Variants in REEP5 observed in about 807,000 individuals in gnomAD.
The protein encoded by REEP5 is receptor expression-enhancing protein 5.
Under a neutral mutation model 22.4 loss-of-function variants are expected in REEP5, and 24 were observed. The ratio of observed to expected loss-of-function variants is 1.07; its 90% confidence interval spans 0.78 to 1.51. The LOEUF is 1.51. Ranked by LOEUF, REEP5 falls within the 40% of genes most tolerant of loss-of-function variation. REEP5 has a pLI of 0.00. For synonymous variants in REEP5, 103 were observed against 88.6 expected (o/e 1.16, Z -0.92); for missense variants, 252 against 233.0 (o/e 1.08, Z -0.53).
chr5:112,888,768 C>A (rs1335213709), intron 3 of REEP5, among the ~76,000 whole-genome samples: 1 of 150,838 alleles, frequency 6.6e-6, no homozygotes, highest in Admixed American at 6.6e-5. Context: ...CACCTGTAGT[C>A]CCAGTGACTT....
intron 3 of REEP5, chr5:112,892,453 A>T: frequency 6.2e-7 from 1 of 1,614,118 alleles, no homozygotes; most frequent in Non-Finnish European, 8.5e-7. Context: ...ACCTCACCTG[A>T]GGGGCAATGT....
intron 2 of REEP5, among the ~76,000 whole-genome samples, chr5:112,919,936 A>G (rs2150049512): frequency 6.6e-6 from 1 of 152,344 alleles, no homozygotes; most frequent in East Asian, 1.9e-4. Flanking sequence ...TTGGACAATT[A>G]TACAATCATA....
intron 3 of REEP5, among the ~76,000 whole-genome samples, chr5:112,890,929 T>C (rs1436185168): frequency 6.6e-6 from 1 of 150,740 alleles, no homozygotes; most frequent in Non-Finnish European, 1.5e-5. Context: ...AAAATAAAAT[T>C]ACTAAGCATA....
At chr5:112,886,656 T>C (rs1486898092) in intron 4 of REEP5, among the ~76,000 whole-genome samples, 1 of 152,238 alleles carries the variant, frequency 6.6e-6, no homozygotes, top group African/African-American at 2.4e-5. Flanking sequence ...TTTCTCCATT[T>C]ATTTAAAACT....
At chr5:112,903,968 A>C (rs1356134518) in intron 2 of REEP5, among the ~76,000 whole-genome samples, 4 of 152,146 alleles carry the variant, frequency 2.6e-5, no homozygotes, top group African/African-American at 9.7e-5. Context: ...AGTAGCTGGT[A>C]CTACAGGTAC....
At chr5:112,896,078 G>C (rs562608366) in intron 3 of REEP5, 1 of 152,782 alleles carries the variant, frequency 6.5e-6, no homozygotes, top group South Asian at 2.1e-4. Flanking sequence ...TGCAGTTACG[G>C]AACTGAGAGT....
chr5:112,916,476 TAAGAA>T (rs1286997949), intron 2 of REEP5, among the ~76,000 whole-genome samples: 1 of 152,176 alleles, frequency 6.6e-6, no homozygotes, highest in East Asian at 1.9e-4. Context: ...ACATAACAGA[TAAGAA>T]AAGTTGTTAG....
At chr5:112,892,196 G>A in intron 3 of REEP5, 1 of 1,614,206 alleles carries the variant, frequency 6.2e-7, no homozygotes, top group South Asian at 1.1e-5. Context: ...ACAGGAGCTT[G>A]CAGATTTGGA....
At chr5:112,911,452 A>G (rs1305545676) in intron 2 of REEP5, among the ~76,000 whole-genome samples, 1 of 152,200 alleles carries the variant, frequency 6.6e-6, no homozygotes, top group Non-Finnish European at 1.5e-5. Flanking sequence ...CAATATTTCA[A>G]AATACTTACA....
intron 4 of REEP5, among the ~76,000 whole-genome samples, chr5:112,880,619 T>A (rs1343088548): frequency 6.6e-6 from 1 of 152,250 alleles, no homozygotes; most frequent in Non-Finnish European, 1.5e-5. Flanking sequence ...GAGAAAAGTC[T>A]AAAATGTGGC....
chr5:112,890,122 C>T (rs1768389518), intron 3 of REEP5, among the ~76,000 whole-genome samples: 1 of 149,884 alleles, frequency 6.7e-6, no homozygotes, highest in Non-Finnish European at 1.5e-5. Flanking sequence ...CCACCGCACC[C>T]GGCCACAAAA....
In REEP5 at chr5:112,877,425, T is replaced by C. The variant is rs1767931292; in HGVS notation, c.*1361A>G. On this transcript the variant is annotated 3_prime_UTR_variant, in exon 5 of 5. Coordinates refer to ENST00000379638, the MANE Select transcript of REEP5 (RefSeq NM_005669.5). ...AGTATGGTGTAAAACTCAGATTTTCTAGTCCAGACAAATTGCTCTCTATAA... is the reference window on the plus strand; with the variant it reads ...AGTATGGTGTAAAACTCAGATTTTCCAGTCCAGACAAATTGCTCTCTATAA... 1 of 152,136 alleles carries C rather than the reference T, an allele frequency of 6.6e-6. No homozygotes were observed. The highest frequency in any genetic ancestry group is 2.4e-5 in the African/African-American group (1 of 41,426). 9.4% of individuals were successfully genotyped at this position (152,136 alleles called of 1,614,324 possible).
rs896357117 is a variant in REEP5, at chr5:112,877,651, T to C, written c.*1135A>G. On this transcript the variant is annotated 3_prime_UTR_variant, in exon 5 of 5. Transcript: ENST00000379638. Reference sequence around the variant, plus strand: ...AAAACTGAAGATAGATTGACTTAACTATTGCCAAGCAGATTATGGGTTACT... The same window carrying C: ...AAAACTGAAGATAGATTGACTTAACCATTGCCAAGCAGATTATGGGTTACT... 2 of 152,196 alleles carry C rather than the reference T, an allele frequency of 1.3e-5. No homozygotes were observed. Among genetic ancestry groups the C allele is most frequent in the Admixed American group, 6.5e-5 (1 of 15,282 alleles). 9.4% of individuals were successfully genotyped at this position (152,196 alleles called of 1,614,324 possible).
chr5:112,890,745 T>C (rs937922246), intron 3 of REEP5, among the ~76,000 whole-genome samples: 1 of 150,698 alleles, frequency 6.6e-6, no homozygotes, highest in African/African-American at 2.5e-5. Flanking sequence ...AGAGTTAATA[T>C]AGTATATAGA....
chr5:112,888,857 C>T (rs113038757), intron 3 of REEP5, among the ~76,000 whole-genome samples: 3,937 of 150,698 alleles, frequency 0.026, 397 homozygotes, highest in African/African-American at 0.093. Flanking sequence ...ACCCAAATCT[C>T]ATCTTGAACT....
At chr5:112,909,476 A>C (rs1769042510) in intron 2 of REEP5, among the ~76,000 whole-genome samples, 1 of 151,958 alleles carries the variant, frequency 6.6e-6, no homozygotes, top group Non-Finnish European at 1.5e-5. Flanking sequence ...AGGAGATTAG[A>C]GTTACCCATC....
At chr5:112,909,408 ACT>A (rs570588963) in intron 2 of REEP5, among the ~76,000 whole-genome samples, 156 of 151,322 alleles carry the variant, frequency 1.0e-3, no homozygotes, top group Non-Finnish European at 1.2e-3. Flanking sequence ...AGATAAGAAG[ACT>A]CTAGTTTCTT....
chr5:112,912,883 T>C (rs1433118257), intron 2 of REEP5, among the ~76,000 whole-genome samples: 1 of 152,208 alleles, frequency 6.6e-6, no homozygotes. Context: ...GGAAAATATT[T>C]TTCTCCTTCA....
chr5:112,878,812 G>C lies in REEP5; in HGVS notation c.544C>G (p.Leu182Val). 1 of 1,614,130 alleles carries C rather than the reference G, an allele frequency of 6.2e-7. No homozygotes were observed. Among genetic ancestry groups the C allele is most frequent in the Non-Finnish European group, 8.5e-7 (1 of 1,180,038 alleles). The stretch of plus-strand genomic sequence containing the variant: ...TAGGTGCTCTTCTTTTCTTCACCCA[G>C]TAAATTCACGGTAGCTTTCTTCGCT... ...KEAKKATVNL[L>V]GEEKKST is the part of the protein sequence containing the mutation. Residue 182 changes from leucine to valine, a missense_variant, in exon 5 of 5, where the codon CTG becomes GTG. Transcript: ENST00000379638.
Sources: gnomAD v4.1 joint callset for allele counts (sites outside exome capture counted in the v4.1 genomes callset) on GRCh38, gnomAD v4.1.1 for gene constraint, MANE v1.5 for transcripts, NCBI Gene and HGNC (gene_info 2026-07-23, HGNC 2026-07-21) for gene names.